Variants in SMYD3 observed in about 807,000 individuals in gnomAD.
SMYD3 encodes SET and MYND domain containing 3.
SMYD3 carries 36 observed loss-of-function variants against 57.7 expected under a neutral mutation model. The ratio of observed to expected loss-of-function variants is 0.62; its 90% CI spans 0.48 to 0.82. SMYD3 has a LOEUF of 0.82. Among genes scored for constraint, SMYD3 ranks in the 40% least tolerant of loss-of-function variants. SMYD3 has a pLI of 0.00. For missense variants in SMYD3, 515 were observed against 538.8 expected (o/e 0.96, Z 0.44); for synonymous variants, 211 against 195.0 (o/e 1.08, Z -0.68).
At chr1:246,034,425 A>C (rs2059733182) in intron 5 of SMYD3, 1 of 152,232 alleles carries the variant, frequency 6.6e-6, no homozygotes, top group Admixed American at 6.5e-5. Context: ...GTTGGTTAAG[A>C]GTCACAGTCA....
At chr1:246,498,902 C>T (rs2068413335) in intron 1 of SMYD3, among the ~76,000 whole-genome samples, 1 of 151,962 alleles carries the variant, frequency 6.6e-6, no homozygotes, top group Non-Finnish European at 1.5e-5. Context: ...GATCCTCCCA[C>T]CTCAGCCTCC....
intron 5 of SMYD3, among the ~76,000 whole-genome samples, chr1:246,277,226 G>C (rs1276126358): frequency 6.6e-6 from 1 of 150,786 alleles, no homozygotes; most frequent in Non-Finnish European, 1.5e-5. Context: ...TTTCAGAAAA[G>C]AAGATGTACA....
chr1:246,045,936 C>T (rs1334013254), intron 5 of SMYD3, among the ~76,000 whole-genome samples: 3 of 152,194 alleles, frequency 2.0e-5, no homozygotes, highest in Admixed American at 6.5e-5. Flanking sequence ...TACCATCTCA[C>T]ACCAGTTAGA....
intron 5 of SMYD3, among the ~76,000 whole-genome samples, chr1:246,138,926 G>C (rs908505078): frequency 8.6e-5 from 13 of 152,016 alleles, no homozygotes; most frequent in Non-Finnish European, 1.2e-4. Flanking sequence ...AGACAACAGG[G>C]ACCCAGGGGA....
chr1:246,084,194 C>G (rs1020947001), intron 5 of SMYD3, among the ~76,000 whole-genome samples: 6 of 144,436 alleles, frequency 4.2e-5, no homozygotes, highest in Non-Finnish European at 7.4e-5. Flanking sequence ...ACTGACAATT[C>G]CTTTTTTTTT....
rs143955110 is a variant in SMYD3, at chr1:246,269,164, A to G, written c.531+58037T>C. Among the ~76,000 whole-genome samples the G allele has an allele frequency of 1.7e-3, 259 of 152,292 alleles. 1 individual carries two copies. Among genetic ancestry groups the G allele is most frequent in the African/African-American group, 5.8e-3 (240 of 41,576 alleles). ...AGGCCCAGGGTTAAGGCCCAACTAC[A>G]TGAAGCCTCCCAGTTTCCTTTGTTT... On this transcript the variant is annotated intron_variant, in intron 5 of 11. Transcript: ENST00000490107.
At chr1:246,444,798 A>G (rs1255093754) in intron 1 of SMYD3, among the ~76,000 whole-genome samples, 1 of 152,228 alleles carries the variant, frequency 6.6e-6, no homozygotes, top group East Asian at 1.9e-4. Context: ...GAAGCCAGGC[A>G]CACAAAACGC....
At chr1:246,489,702 A>G (rs898169197) in intron 1 of SMYD3, among the ~76,000 whole-genome samples, 3 of 152,224 alleles carry the variant, frequency 2.0e-5, no homozygotes, top group African/African-American at 4.8e-5. Context: ...CCAATATTGA[A>G]AGTTATAAAT....
chr1:246,072,227 A>T (rs1161053183), intron 5 of SMYD3, among the ~76,000 whole-genome samples: 5 of 107,506 alleles, frequency 4.7e-5, no homozygotes, highest in Non-Finnish European at 6.8e-5. Context: ...CTCACTGTGG[A>T]TGCTTCCTGT....
intron 10 of SMYD3, among the ~76,000 whole-genome samples, chr1:245,812,353 A>G (rs575978175): frequency 6.6e-6 from 1 of 152,290 alleles, no homozygotes; most frequent in African/African-American, 2.4e-5. Flanking sequence ...GGCCCTCCTC[A>G]TGCAGGAGCT....
At chr1:245,883,289 A>G (rs2052891628) in intron 8 of SMYD3, among the ~76,000 whole-genome samples, 1 of 152,216 alleles carries the variant, frequency 6.6e-6, no homozygotes, top group Non-Finnish European at 1.5e-5. Context: ...AATCGAGATA[A>G]TATGTAAAGT....
rs181147524 is a variant in SMYD3, at chr1:246,002,151, A to G, written c.532-72214T>C. On this transcript the variant is annotated intron_variant, in intron 5 of 11. Transcript: ENST00000490107. ...AGAAGCGCATGCCAGTTGTGAGGAG[A>G]CTCCGGTCTGACGGGCAAGATGACC... Among the ~76,000 whole-genome samples the G allele has an allele frequency of 3.9e-3, 585 of 151,778 alleles. 7 individuals carry two copies. The highest frequency in any genetic ancestry group is 4.5e-3 in the Non-Finnish European group (305 of 67,890).
chr1:246,112,033 G>C (rs2061253004), intron 5 of SMYD3, among the ~76,000 whole-genome samples: 1 of 152,148 alleles, frequency 6.6e-6, no homozygotes, highest in Non-Finnish European at 1.5e-5. Flanking sequence ...CATGAAACTG[G>C]CAAGTTCACT....
intron 5 of SMYD3, among the ~76,000 whole-genome samples, chr1:246,089,574 A>G (rs1355113360): frequency 6.6e-6 from 1 of 152,070 alleles, no homozygotes. Flanking sequence ...ATCTTCACAA[A>G]CCTTCACAGA....
intron 2 of SMYD3, among the ~76,000 whole-genome samples, chr1:246,339,800 A>C (rs2065603272): frequency 6.6e-6 from 1 of 152,228 alleles, no homozygotes; most frequent in Admixed American, 6.5e-5. Context: ...TGGGTTTGCT[A>C]TAAAAGAGAG....
chr1:246,428,668 C>T (rs1360863973), intron 1 of SMYD3, among the ~76,000 whole-genome samples: 1 of 152,212 alleles, frequency 6.6e-6, no homozygotes, highest in Non-Finnish European at 1.5e-5. Flanking sequence ...GACCAGAGCC[C>T]ATGCTCTTAA....
At chr1:246,061,498 A>C (rs962824379) in intron 5 of SMYD3, among the ~76,000 whole-genome samples, 1 of 151,946 alleles carries the variant, frequency 6.6e-6, no homozygotes, top group Non-Finnish European at 1.5e-5. Flanking sequence ...AGGTGGGAGG[A>C]TCACTTGAAC....
At chr1:246,506,996 C>CCCCCCCCCCCCACCCCA in intron 1 of SMYD3, 58 bp downstream of exon 1, 1 of 815,826 alleles carries the variant, frequency 1.2e-6, no homozygotes. Flanking sequence ...GACGCCCCCC[C>CCCCCCCCCCCCACCCCA]CTCCCCAGCA....
chr1:246,112,118 A>T (rs1340757824), intron 5 of SMYD3, among the ~76,000 whole-genome samples: 1 of 152,198 alleles, frequency 6.6e-6, no homozygotes, highest in Non-Finnish European at 1.5e-5. Flanking sequence ...CTTCAGAGCA[A>T]CCTTCTTCAT....
Sources: gnomAD v4.1 joint callset for allele counts (sites outside exome capture counted in the v4.1 genomes callset) on GRCh38, gnomAD v4.1.1 for gene constraint, MANE v1.5 for transcripts, NCBI Gene and HGNC (gene_info 2026-07-23, HGNC 2026-07-21) for gene names.